AQP9: variants seen among roughly 807,000 people sequenced by gnomAD.
The protein encoded by AQP9 is aquaporin-9.
AQP9 carries 19 observed loss-of-function variants against 23.8 expected under a neutral mutation model. That is an observed-to-expected ratio of 0.80 (90% CI 0.56 to 1.17). The LOEUF (loss-of-function observed/expected upper bound fraction) is 1.17. Among genes scored for constraint, AQP9 ranks in the 50% most tolerant of loss-of-function variants. The pLI, the probability that AQP9 is intolerant of heterozygous loss-of-function variation, is 0.00. For synonymous variants in AQP9, 153 were observed against 131.5 expected (o/e 1.16, Z -1.12); for missense variants, 413 against 362.0 (o/e 1.14, Z -1.14).
intron 5 of AQP9, among the ~76,000 whole-genome samples, chr15:58,180,503 G>A (rs1220088370): frequency 1.3e-5 from 2 of 152,180 alleles, no homozygotes; most frequent in African/African-American, 4.8e-5. Context: ...AGAACAGGGT[G>A]TAGCTCATAG....
chr15:58,138,429 A>G lies in AQP9; in HGVS notation c.-137A>G, dbSNP rs1321761922. ...AGCCTCTAATTGGAACGGCATTTGTACAGTCAGAGACTCTTACCAGACATC... is the reference window on the plus strand; with the variant it reads ...AGCCTCTAATTGGAACGGCATTTGTGCAGTCAGAGACTCTTACCAGACATC... On this transcript the variant is annotated 5_prime_UTR_variant, in exon 1 of 6. Coordinates refer to ENST00000219919, the MANE Select transcript of AQP9 (RefSeq NM_020980.5). The G allele has an allele frequency of 4.8e-6, 3 of 627,794 alleles. No homozygotes were observed. Among genetic ancestry groups the G allele is most frequent in the Non-Finnish European group, 8.4e-6 (3 of 357,420 alleles). The allele number at this position is 627,794 out of a possible 1,614,324, so 38.9% of individuals were successfully genotyped here.
intron 4 of AQP9, among the ~76,000 whole-genome samples, chr15:58,177,046 G>A (rs1182166308): frequency 6.6e-6 from 1 of 152,168 alleles, no homozygotes; most frequent in Non-Finnish European, 1.5e-5. Flanking sequence ...GTAACCGTCA[G>A]CAAACCCTGA....
intron 1 of AQP9, among the ~76,000 whole-genome samples, chr15:58,143,619 T>C (rs1428494793): frequency 2.0e-5 from 3 of 152,236 alleles, no homozygotes; most frequent in Non-Finnish European, 4.4e-5. Context: ...ATATATATTA[T>C]AGTTTTATAT....
Position 58,179,321 on chromosome 15 carries a change from C to G in AQP9, c.689C>G (p.Ala230Gly), listed in dbSNP as rs377352019. Residue 230 changes from alanine (A) to glycine (G), a missense_variant, in exon 5 of 6, where the codon GCA (alanine) becomes GGA (glycine). Physicochemically the swap from Ala to Gly is moderately conservative, Grantham distance 60. Coordinates refer to ENST00000219919, the MANE Select transcript of AQP9 (RefSeq NM_020980.5). ...DLSPRLFTAL[A>G]GWGFEVFRAG... ...AGTCCCAGACTTTTCACTGCCTTGG[C>G]AGGCTGGGGGTTTGAAGTCTTCAGG... 3.1e-6 allele frequency: 5 copies of G among 1,613,518 alleles called. No individual in the cohort carries two copies. The African/African-American group carries it at 4.0e-5, about 13-fold the overall frequency.
At chr15:58,183,777 C>G (rs1204991687) in intron 5 of AQP9, among the ~76,000 whole-genome samples, 184 bp from the exon 6 acceptor site, 1 of 152,120 alleles carries the variant, frequency 6.6e-6, no homozygotes, top group Non-Finnish European at 1.5e-5. Flanking sequence ...CATCTGAAAT[C>G]AGGTGTAGTG....
intron 1 of AQP9, among the ~76,000 whole-genome samples, chr15:58,139,409 G>C (rs1308363733): frequency 6.6e-6 from 1 of 152,172 alleles, no homozygotes; most frequent in African/African-American, 2.4e-5. Flanking sequence ...GTTTACTTAA[G>C]TGGTCTGGGC....
At chr15:58,181,325 C>A (rs1595748301) in intron 5 of AQP9, among the ~76,000 whole-genome samples, 1 of 152,324 alleles carries the variant, frequency 6.6e-6, no homozygotes, top group Admixed American at 6.5e-5. Context: ...TTCTGTCCTT[C>A]ACTGTTGTGT....
chr15:58,155,141 C>A (rs1477212131), intron 1 of AQP9: 1 of 152,278 alleles, frequency 6.6e-6, no homozygotes, highest in Non-Finnish European at 1.5e-5. Context: ...GATCCCTTAA[C>A]TGCCTTCTCT....
chr15:58,161,134 A>G (rs985785204), intron 1 of AQP9, among the ~76,000 whole-genome samples: 2 of 151,866 alleles, frequency 1.3e-5, no homozygotes. Flanking sequence ...GGATGGGGAG[A>G]GACTGGAGGT....
chr15:58,147,857 A>G (rs1227806956), intron 1 of AQP9, among the ~76,000 whole-genome samples: 1 of 151,980 alleles, frequency 6.6e-6, no homozygotes, highest in Non-Finnish European at 1.5e-5. Context: ...CAGAAATGGT[A>G]TGTGTTAAAT....
chr15:58,183,853 A>T, intron 5 of AQP9, 108 bp from the exon 6 acceptor site: 1 of 1,301,370 alleles, frequency 7.7e-7, no homozygotes, highest in Non-Finnish European at 1.1e-6. Context: ...TTGCTGAGTT[A>T]AGAGGGAACC....
intron 1 of AQP9, among the ~76,000 whole-genome samples, chr15:58,162,822 T>G (rs1898411371): frequency 6.6e-6 from 1 of 152,186 alleles, no homozygotes; most frequent in South Asian, 2.1e-4. Context: ...AATTCCAGTG[T>G]TCCACTTTTC....
In AQP9 at chr15:58,184,126, C is replaced by T; in HGVS notation, c.879C>T (p.Val293=). 1.9e-6 allele frequency: 3 copies of T among 1,613,950 alleles called. No individual in the cohort carries two copies. The highest frequency in any genetic ancestry group is 1.7e-6 in the Non-Finnish European group (2 of 1,179,930). The change falls in exon 6 of 6, where the codon GTC becomes GTT. Residue 293 remains valine (V), a synonymous_variant. Transcript: ENST00000219919. ...AACCAGAGAAATATGAACTCAGTGT[C>T]ATCATGTAGTGGCATGCTCAGCTCT... ...EDKPEKYELS[V]IM is the part of the protein sequence containing the mutation.
rs1214920626 is a variant in AQP9 at position 58,185,688 on chromosome 15, A to C, written c.*1553A>C. On this transcript the variant is annotated 3_prime_UTR_variant, in exon 6 of 6. Coordinates refer to ENST00000219919, the MANE Select transcript of AQP9 (RefSeq NM_020980.5). ...AGTTACAAGCACCAGGGGATGCTCT[A>C]CATCAAGGGATGCACCTTCAGTCAA... 1 of 152,230 alleles carries C rather than the reference A, an allele frequency of 6.6e-6. No individual in the cohort carries two copies. The highest frequency in any genetic ancestry group is 1.5e-5 in the Non-Finnish European group (1 of 68,052). The allele number at this position is 152,230 out of a possible 1,614,324, so 9.4% of individuals were successfully genotyped here.
rs138888110 is a variant in AQP9, at chr15:58,159,592, T to C, written c.112-7081T>C. 9.5e-4 allele frequency among the ~76,000 whole-genome samples: 145 copies of C among 152,314 alleles called. 2 individuals are homozygous for C. The East Asian group carries it at 0.026, about 27-fold the overall frequency. On this transcript the variant is annotated intron_variant, in intron 1 of 5. Transcript: ENST00000219919. ...TAACTATAGTCATGTTACTGATCTT[T>C]CAAGCACTAGGTCTTATTTCTTCTA... is the stretch of plus-strand genomic sequence containing the variant.
At chr15:58,171,555 C>G (rs1451328435) in intron 2 of AQP9, among the ~76,000 whole-genome samples, 1 of 152,198 alleles carries the variant, frequency 6.6e-6, no homozygotes, top group Non-Finnish European at 1.5e-5. Flanking sequence ...GTCTCCAGAA[C>G]TGTGGCTTTC....
chr15:58,173,217 CCCTGAGT>C lies in AQP9; in HGVS notation c.376+16_376+22del. On this transcript the variant is annotated intron_variant, in intron 3 of 5. Coordinates refer to ENST00000219919, the MANE Select transcript of AQP9 (RefSeq NM_020980.5). ...TGGCATTTACTATGGTGAGTAAAGT[CCCTGAGT>C]CCTAAGGTTAGGAAGAGCTGGGCAT... 1 of 1,613,956 alleles carries C rather than the reference CCCTGAGT, an allele frequency of 6.2e-7. No individual in the cohort carries two copies. The highest frequency in any genetic ancestry group is 8.5e-7 in the Non-Finnish European group (1 of 1,179,972).
Position 58,184,210 on chromosome 15 carries a change from T to C in AQP9, c.*75T>C, listed in dbSNP as rs1302233494. On this transcript the variant is annotated 3_prime_UTR_variant, in exon 6 of 6. Transcript: ENST00000219919. ...AGATGGCATCTAAGTGTCTGTGTTC[T>C]TGTAAGCCTGAGGTGGAATCCACCC... The C allele has an allele frequency of 1.5e-5, 23 of 1,499,530 alleles. No individual in the cohort carries two copies. The highest frequency in any genetic ancestry group is 2.0e-5 in the Non-Finnish European group (22 of 1,099,062). 92.9% of individuals were successfully genotyped at this position (1,499,530 alleles called of 1,614,324 possible).
intron 1 of AQP9, 109 bp from the exon 2 acceptor site, chr15:58,166,564 A>T: frequency 7.1e-7 from 1 of 1,415,190 alleles, no homozygotes; most frequent in Non-Finnish European, 9.5e-7. Flanking sequence ...ATAAAACCCA[A>T]GGCAACCCAA....
Sources: allele counts gnomAD v4.1 joint callset (sites outside exome capture counted in the v4.1 genomes callset), GRCh38; gene constraint gnomAD v4.1.1; transcripts MANE v1.5; gene names NCBI Gene and HGNC (gene_info 2026-07-23, HGNC 2026-07-21).